IL1RAPL1: variants seen among roughly 807,000 people sequenced by gnomAD.
The protein encoded by IL1RAPL1 is interleukin 1 receptor accessory protein like 1.
A neutral mutation model predicts 48.4 loss-of-function variants in IL1RAPL1; 3 were observed. The ratio of observed to expected loss-of-function variants is 0.06; its 90% CI spans 0.03 to 0.16. The LOEUF (loss-of-function observed/expected upper bound fraction) is 0.16, where lower values mean the gene tolerates loss of function less well. IL1RAPL1 is among the 10% of genes least tolerant of loss of function. IL1RAPL1 has a pLI of 1.00. For missense variants in IL1RAPL1, 349 were observed against 530.6 expected, an observed-to-expected ratio of 0.66 and a Z score of 3.36; for synonymous variants, 185 against 187.7, an observed-to-expected ratio of 0.99 and a Z score of 0.12.
At chrX:29,093,890 C>A (rs1479782240) in intron 2 of IL1RAPL1, among the ~76,000 whole-genome samples, 5 of 111,908 alleles carry the variant, frequency 4.5e-5, no homozygotes, top group African/African-American at 1.3e-4. Flanking sequence ...CCCAAGAAAC[C>A]AAAGTGTAGG....
intron 6 of IL1RAPL1, among the ~76,000 whole-genome samples, chrX:29,752,510 A>G (rs1216646717): frequency 9.2e-6 from 1 of 109,184 alleles, no homozygotes; most frequent in Non-Finnish European, 1.9e-5. Context: ...AAAAAAAAAA[A>G]AAAAGACTTG....
In IL1RAPL1 at chrX:28,833,706, C is replaced by T. The variant is rs1921131258; in HGVS notation, c.82+44281C>T. Among the ~76,000 whole-genome samples, 3 of 111,876 alleles carry T rather than the reference C, an allele frequency of 2.7e-5. No individual in the cohort carries two copies. The Admixed American group carries it at 2.8e-4, about 11-fold the overall frequency. ...CCTTTAGAAAATTTCTAAGCTTTAA[C>T]TACCTTCTATAGATTTCATGTACAA... On this transcript the variant is annotated intron_variant, in intron 2 of 10. Transcript: ENST00000378993.
At chrX:29,409,740 A>G (rs1934116384) in intron 5 of IL1RAPL1, among the ~76,000 whole-genome samples, 1 of 111,152 alleles carries the variant, frequency 9.0e-6, no homozygotes, top group Non-Finnish European at 1.9e-5. Context: ...TTCCATTAAT[A>G]CAAGAAAAAT....
intron 3 of IL1RAPL1, among the ~76,000 whole-genome samples, chrX:29,389,281 G>C (rs1163455372): frequency 3.8e-5 from 4 of 106,117 alleles, no homozygotes; most frequent in Admixed American, 2.0e-4. Flanking sequence ...TCCTGAACCT[G>C]GGAGGTGGAG....
At chrX:29,487,839 C>T (rs1484692131) in intron 5 of IL1RAPL1, among the ~76,000 whole-genome samples, 2 of 111,955 alleles carry the variant, frequency 1.8e-5, no homozygotes, top group African/African-American at 6.5e-5. Context: ...TTTCCATACC[C>T]ATCATTCCTT....
intron 6 of IL1RAPL1, among the ~76,000 whole-genome samples, chrX:29,750,365 C>T (rs767774377): frequency 9.0e-6 from 1 of 111,528 alleles, no homozygotes; most frequent in Non-Finnish European, 1.9e-5. Flanking sequence ...GTTTGGGAAA[C>T]AAATAATTGT....
intron 2 of IL1RAPL1, among the ~76,000 whole-genome samples, chrX:29,097,695 C>T (rs1249931900): frequency 2.5e-5 from 2 of 81,394 alleles, no homozygotes; most frequent in African/African-American, 7.0e-5. Context: ...ATCAACTACA[C>T]TGAAAAAAAA....
chrX:28,771,945 A>G (rs1249598306), intron 1 of IL1RAPL1, among the ~76,000 whole-genome samples: 2 of 108,912 alleles, frequency 1.8e-5, no homozygotes, highest in Non-Finnish European at 3.8e-5. Context: ...CTCAAAAAAA[A>G]AAAAAAAAAA....
intron 2 of IL1RAPL1, among the ~76,000 whole-genome samples, chrX:29,230,504 CAAAAAAA>C (rs60539139): frequency 1.7e-3 from 28 of 16,593 alleles, no homozygotes; most frequent in Admixed American, 1.2e-3. Flanking sequence ...GTCCCTTTAC[CAAAAAAA>C]AAAAAAAAAA....
At chrX:29,232,590 C>G (rs913146584) in intron 2 of IL1RAPL1, among the ~76,000 whole-genome samples, 1 of 111,509 alleles carries the variant, frequency 9.0e-6, no homozygotes, top group Non-Finnish European at 1.9e-5. Context: ...TGACAGTCAT[C>G]TCTCAGACGA....
chrX:29,621,554 T>C (rs148657338), intron 5 of IL1RAPL1, among the ~76,000 whole-genome samples: 3,441 of 111,155 alleles, frequency 0.031, 128 homozygotes, highest in African/African-American at 0.11. Context: ...AAAAGAAAGT[T>C]CTCAGAGTTA....
chrX:29,621,243 G>T (rs1001021188), intron 5 of IL1RAPL1, among the ~76,000 whole-genome samples: 3 of 111,288 alleles, frequency 2.7e-5, no homozygotes, highest in African/African-American at 9.8e-5. Context: ...TTACATTATT[G>T]CTTAGCAGTT....
Position 28,762,786 on chromosome X carries a change from G to GCGCGCACA in IL1RAPL1, c.-24-26533_-24-26532insGCGCACAC, listed in dbSNP as rs1366464632. Among the ~76,000 whole-genome samples, 9 of 62,971 alleles carry GCGCGCACA rather than the reference G, an allele frequency of 1.4e-4. No individual in the cohort carries two copies. In the East Asian group the frequency reaches 2.4e-3, roughly 17 times the overall value. The allele number at this position is 62,971 out of a possible 115,157, so 54.7% of individuals were successfully genotyped here. A position where few individuals can be genotyped will look rare whatever the true frequency, so the allele number is the denominator to read the frequency against. The stretch of plus-strand genomic sequence containing the variant: ...TATAAAATCTAATACGCACGCGCGC[G>GCGCGCACA]CACACACACACACACACACACACAC... On this transcript the variant is annotated intron_variant, in intron 1 of 10. Transcript: ENST00000378993.
At chrX:29,841,551 T>C (rs961449600) in intron 6 of IL1RAPL1, among the ~76,000 whole-genome samples, 5 of 111,775 alleles carry the variant, frequency 4.5e-5, no homozygotes, top group Non-Finnish European at 9.4e-5. Context: ...TGAACGAGCA[T>C]TCATTGAGCA....
At chrX:29,197,441 G>A (rs1056146794) in intron 2 of IL1RAPL1, among the ~76,000 whole-genome samples, 1 of 111,601 alleles carries the variant, frequency 9.0e-6, no homozygotes, top group Non-Finnish European at 1.9e-5. Flanking sequence ...TAATGAAAAT[G>A]CAGCCTGACT....
Position 29,031,379 on chromosome X carries a change from G to A in IL1RAPL1, c.82+241954G>A, listed in dbSNP as rs1194397992. ...CCTATGGCACTGTGTGTCTTTAGGA[G>A]ATTGATTTCTTTTGTGGGTATTCTG... On this transcript the variant is annotated intron_variant, in intron 2 of 10. Coordinates refer to ENST00000378993, the MANE Select transcript of IL1RAPL1 (RefSeq NM_014271.4). 4.5e-5 allele frequency among the ~76,000 whole-genome samples: 5 copies of A among 111,909 alleles called. No homozygotes were observed. The East Asian group carries it at 1.1e-3, about 25-fold the overall frequency.
chrX:28,715,755 A>G (rs1020561052), intron 1 of IL1RAPL1, among the ~76,000 whole-genome samples: 2 of 111,504 alleles, frequency 1.8e-5, no homozygotes, highest in African/African-American at 3.3e-5. Flanking sequence ...CCGATGTACA[A>G]AGAAGAGCTG....
chrX:29,908,025 A>AC (rs935859399), intron 6 of IL1RAPL1, among the ~76,000 whole-genome samples: 10 of 111,441 alleles, frequency 9.0e-5, no homozygotes, highest in Non-Finnish European at 1.1e-4. Context: ...GATTAAAAAA[A>AC]TTTAAATCAC....
intron 6 of IL1RAPL1, among the ~76,000 whole-genome samples, chrX:29,759,319 G>C (rs776648019): frequency 8.9e-6 from 1 of 111,809 alleles, no homozygotes; most frequent in Middle Eastern, 4.2e-3. Context: ...TCCCAGATCT[G>C]AGGTTGGCCT....
Sources: gnomAD v4.1 joint callset for allele counts (sites outside exome capture counted in the v4.1 genomes callset) on GRCh38, gnomAD v4.1.1 for gene constraint, MANE v1.5 for transcripts, NCBI Gene and HGNC (gene_info 2026-07-23, HGNC 2026-07-21) for gene names.